ST6GALNAC3: variants seen among roughly 807,000 people sequenced by gnomAD.
The protein encoded by ST6GALNAC3 is alpha-N-acetylgalactosaminide alpha-2,6-sialyltransferase 3.
ST6GALNAC3 carries 25 observed loss-of-function variants against 32.7 expected under a neutral mutation model. The ratio of observed to expected loss-of-function variants is 0.76; its 90% CI spans 0.56 to 1.07. ST6GALNAC3 has a LOEUF of 1.07. ST6GALNAC3 is among the 50% of genes least tolerant of loss of function. ST6GALNAC3 has a pLI of 0.00. For synonymous variants in ST6GALNAC3, 129 were observed against 133.1 expected (o/e 0.97, Z 0.21); for missense variants, 355 against 382.4 (o/e 0.93, Z 0.60).
At chr1:76,584,336 T>G (rs1557599320) in intron 3 of ST6GALNAC3, among the ~76,000 whole-genome samples, 1 of 152,190 alleles carries the variant, frequency 6.6e-6, no homozygotes, top group African/African-American at 2.4e-5. Context: ...TGGTTCAGAA[T>G]AAACGCTGAA....
intron 3 of ST6GALNAC3, among the ~76,000 whole-genome samples, chr1:76,471,273 A>G (rs755416842): frequency 2.6e-5 from 4 of 152,078 alleles, no homozygotes; most frequent in Non-Finnish European, 4.4e-5. Flanking sequence ...TCTTCATAAA[A>G]CACCCACTGA....
intron 2 of ST6GALNAC3, among the ~76,000 whole-genome samples, chr1:76,385,463 G>A (rs561051934): frequency 6.6e-6 from 1 of 152,096 alleles, no homozygotes; most frequent in Non-Finnish European, 1.5e-5. Context: ...ATTTGGGCAA[G>A]TCACTTAAAC....
At chr1:76,225,075 A>G (rs769951555) in intron 1 of ST6GALNAC3, among the ~76,000 whole-genome samples, 1 of 151,566 alleles carries the variant, frequency 6.6e-6, no homozygotes, top group Non-Finnish European at 1.5e-5. Flanking sequence ...ACTCTTCTGA[A>G]GCCCTCCTTT....
At chr1:76,511,203 T>G (rs17099107) in intron 3 of ST6GALNAC3, among the ~76,000 whole-genome samples, 3,396 of 152,268 alleles carry the variant, frequency 0.022, 133 homozygotes, top group African/African-American at 0.079. Context: ...AATCTAACTG[T>G]GTGACTTAAA....
At chr1:76,599,404 G>A (rs1042162020) in intron 3 of ST6GALNAC3, among the ~76,000 whole-genome samples, 8 of 152,010 alleles carry the variant, frequency 5.3e-5, no homozygotes, top group African/African-American at 1.7e-4. Flanking sequence ...TAGGTTTTAA[G>A]CCCCACATGC....
At chr1:76,302,232 A>G (rs574657785) in intron 1 of ST6GALNAC3, among the ~76,000 whole-genome samples, 17 of 152,100 alleles carry the variant, frequency 1.1e-4, no homozygotes, top group Non-Finnish European at 1.9e-4. Flanking sequence ...GCATTATTTC[A>G]CATGGTCACC....
In ST6GALNAC3 at chr1:76,192,260, A is replaced by G. The variant is rs111736759; in HGVS notation, c.18+117376A>G. Among the ~76,000 whole-genome samples, 1,296 of 152,270 alleles carry G rather than the reference A, an allele frequency of 8.5e-3. 20 individuals carry two copies. Among genetic ancestry groups the G allele is most frequent in the African/African-American group, 0.03 (1,256 of 41,548 alleles). On this transcript the variant is annotated intron_variant, in intron 1 of 4. Coordinates refer to ENST00000328299, the MANE Select transcript of ST6GALNAC3 (RefSeq NM_152996.4). ...TTGCATATGAACTCATTTTCTTCAA[A>G]ATCCATTATCCTCATGTGAGAGATG... is the stretch of plus-strand genomic sequence containing the variant.
chr1:76,386,632 A>G (rs1652115974), intron 2 of ST6GALNAC3, among the ~76,000 whole-genome samples: 1 of 152,170 alleles, frequency 6.6e-6, no homozygotes, highest in African/African-American at 2.4e-5. Flanking sequence ...ATAGAGAGAT[A>G]AAGTGATTTG....
Position 76,634,028 on chromosome 1 carries a change from C to G in ST6GALNAC3, c.*5222C>G, listed in dbSNP as rs1025599139. On this transcript the variant is annotated 3_prime_UTR_variant, in exon 5 of 5. Coordinates refer to ENST00000328299, the MANE Select transcript of ST6GALNAC3 (RefSeq NM_152996.4). ...GGCGTTGTAACAGTGCAGAAAATCT[C>G]ATTTAGTTTTTTTCTTTTTTTTTTT... is the stretch of plus-strand genomic sequence containing the variant. 6.9e-5 allele frequency: 25 copies of G among 362,436 alleles called. No individual in the cohort carries two copies. Among genetic ancestry groups the G allele is most frequent in the African/African-American group, 5.3e-4 (24 of 44,910 alleles). The allele number at this position is 362,436 out of a possible 1,614,324, so 22.5% of individuals were successfully genotyped here.
intron 3 of ST6GALNAC3, among the ~76,000 whole-genome samples, chr1:76,534,023 CT>C (rs1663434640): frequency 1.3e-5 from 2 of 151,992 alleles, no homozygotes; most frequent in South Asian, 4.2e-4. Context: ...CTGTTTTTTA[CT>C]TTATTTACCC....
intron 1 of ST6GALNAC3, among the ~76,000 whole-genome samples, chr1:76,153,303 C>T (rs1651172786): frequency 6.6e-6 from 1 of 152,164 alleles, no homozygotes; most frequent in Non-Finnish European, 1.5e-5. Flanking sequence ...TGATAATGTT[C>T]TCCTCCCCTG....
intron 1 of ST6GALNAC3, among the ~76,000 whole-genome samples, chr1:76,181,524 T>C (rs547370175): frequency 2.6e-5 from 4 of 152,178 alleles, no homozygotes; most frequent in Non-Finnish European, 5.9e-5. Flanking sequence ...TTCAATTACA[T>C]AGGGTTTGTG....
At chr1:76,163,377 T>C (rs1030707216) in intron 1 of ST6GALNAC3, among the ~76,000 whole-genome samples, 4 of 152,194 alleles carry the variant, frequency 2.6e-5, no homozygotes, top group African/African-American at 4.8e-5. Context: ...TGCAGAAATA[T>C]ATCTTCCACC....
At chr1:76,601,632 A>C (rs529127542) in intron 3 of ST6GALNAC3, among the ~76,000 whole-genome samples, 9 of 152,320 alleles carry the variant, frequency 5.9e-5, no homozygotes, top group Admixed American at 3.3e-4. Flanking sequence ...ACAACAACCT[A>C]ATGAGGTAGG....
intron 2 of ST6GALNAC3, among the ~76,000 whole-genome samples, chr1:76,334,013 T>TAA (rs1419646638): frequency 1.3e-5 from 2 of 152,202 alleles, no homozygotes; most frequent in Non-Finnish European, 2.9e-5. Flanking sequence ...GTGTAACCAT[T>TAA]AAGCATTACT....
At chr1:76,277,496 T>A (rs1047516930) in intron 1 of ST6GALNAC3, among the ~76,000 whole-genome samples, 1 of 145,368 alleles carries the variant, frequency 6.9e-6, no homozygotes, top group Non-Finnish European at 1.5e-5. Flanking sequence ...TCATAACAGG[T>A]CAATTAAAGA....
At chr1:76,190,932 GGT>G (rs1313716301) in intron 1 of ST6GALNAC3, among the ~76,000 whole-genome samples, 1 of 152,164 alleles carries the variant, frequency 6.6e-6, no homozygotes, top group African/African-American at 2.4e-5. Flanking sequence ...CTCAAAGTGT[GGT>G]CTGCAGACTG....
At chr1:76,251,788 CA>C (rs1657630776) in intron 1 of ST6GALNAC3, among the ~76,000 whole-genome samples, 1 of 152,082 alleles carries the variant, frequency 6.6e-6, no homozygotes, top group Admixed American at 6.6e-5. Flanking sequence ...ATTCCTTTCT[CA>C]AACTCTCTCT....
At chr1:76,452,926 A>G (rs1201750096) in intron 3 of ST6GALNAC3, among the ~76,000 whole-genome samples, 5 of 151,882 alleles carry the variant, frequency 3.3e-5, no homozygotes, top group Admixed American at 2.6e-4. Flanking sequence ...TATTTTGTTG[A>G]CAATTGTTTG....
Sources: allele counts gnomAD v4.1 joint callset (sites outside exome capture counted in the v4.1 genomes callset), GRCh38; gene constraint gnomAD v4.1.1; transcripts MANE v1.5; gene names NCBI Gene and HGNC (gene_info 2026-07-23, HGNC 2026-07-21).